Variants in KATNIP observed in about 807,000 individuals in gnomAD.
The protein encoded by KATNIP is katanin interacting protein.
A neutral mutation model predicts 174.0 loss-of-function variants in KATNIP; 126 were observed. The observed-to-expected ratio is 0.72, with a 90% CI of 0.63 to 0.84. The LOEUF is 0.84. Among genes scored for constraint, KATNIP ranks in the 40% least tolerant of loss-of-function variants. The probability of loss-of-function intolerance (pLI) is 0.00; values close to 1 mark genes in which losing one functional copy is unlikely to be tolerated. For missense variants in KATNIP, 1,958 were observed against 2,109.7 expected, an observed-to-expected ratio of 0.93 and a Z score of 1.41; for synonymous variants, 810 against 835.7, an observed-to-expected ratio of 0.97 and a Z score of 0.53.
At chr16:27,613,823 T>G (rs542216876) in intron 2 of KATNIP, among the ~76,000 whole-genome samples, 1 of 152,294 alleles carries the variant, frequency 6.6e-6, no homozygotes, top group East Asian at 1.9e-4. Flanking sequence ...TTTCTTGCAC[T>G]CAGGATGAGG....
Position 27,600,117 on chromosome 16 carries a change from AC to A in KATNIP, c.64-18306del, listed in dbSNP as rs553252786. 1.8e-3 allele frequency among the ~76,000 whole-genome samples: 270 copies of A among 152,274 alleles called. 2 individuals carry two copies. Among genetic ancestry groups the A allele is most frequent in the African/African-American group, 6.3e-3 (260 of 41,552 alleles). On this transcript the variant is annotated intron_variant, in intron 2 of 27. Coordinates refer to ENST00000261588, the MANE Select transcript of KATNIP (RefSeq NM_015202.5). ...TAAAATCTGTCTTCCTCACTAGACC[AC>A]CAGCTCCATGAGGCTGGGGACATGC... is the stretch of plus-strand genomic sequence containing the variant.
chr16:27,591,824 C>T (rs542249320), intron 2 of KATNIP, among the ~76,000 whole-genome samples: 9 of 152,282 alleles, frequency 5.9e-5, no homozygotes, highest in Non-Finnish European at 1.3e-4. Flanking sequence ...CAGCTAAAAG[C>T]CCTGTCTTTT....
chr16:27,676,439 C>T (rs577634356), intron 6 of KATNIP, among the ~76,000 whole-genome samples: 1 of 152,212 alleles, frequency 6.6e-6, no homozygotes, highest in African/African-American at 2.4e-5. Context: ...TCAAGGTGTT[C>T]CTCACTTCCT....
intron 2 of KATNIP, among the ~76,000 whole-genome samples, chr16:27,604,210 C>T (rs747593447): frequency 1.0e-4 from 15 of 150,498 alleles, no homozygotes; most frequent in Non-Finnish European, 1.6e-4. Context: ...GCGATCCTCT[C>T]GCCTCAGCCT....
intron 8 of KATNIP, among the ~76,000 whole-genome samples, chr16:27,697,717 G>T (rs2078964024): frequency 6.6e-6 from 1 of 152,090 alleles, no homozygotes; most frequent in Non-Finnish European, 1.5e-5. Context: ...TTGATCGATA[G>T]AGGGTGTGTG....
intron 6 of KATNIP, 115 bp downstream of exon 6, chr16:27,648,850 C>T (rs2077040421): frequency 8.3e-7 from 1 of 1,203,970 alleles, no homozygotes; most frequent in African/African-American, 1.5e-5. Flanking sequence ...TCACTCGCCG[C>T]TGTGTTCCTT....
rs747864643 is a variant in KATNIP at position 27,777,730 on chromosome 16, G to A, written c.4672G>A (p.Asp1558Asn). ...CTACCACACCATCCTCTTCACCGAG[G>A]ACAGGGACATCCGCCACCAGGAGAA... ...VPYHTILFTE[D>N]RDIRHQEKHT... Residue 1558 changes from aspartate (D) to asparagine (N), a missense_variant, in exon 26 of 28, where the codon GAC becomes AAC. Physicochemically the swap from Asp to Asn is conservative, Grantham distance 23. This residue lies in a region of KATNIP where 383 missense variants were observed against 456.0 expected (regional missense o/e 0.84). Transcript: ENST00000261588. The surrounding 1 kb of genome is among the most constrained non-coding windows in gnomAD (Gnocchi z 4.4). 5.6e-6 allele frequency: 9 copies of A among 1,613,968 alleles called. No individual in the cohort carries two copies. Among genetic ancestry groups the A allele is most frequent in the Non-Finnish European group, 6.8e-6 (8 of 1,179,990 alleles).
chr16:27,726,582 C>G (rs536411711), intron 14 of KATNIP, among the ~76,000 whole-genome samples: 4 of 152,288 alleles, frequency 2.6e-5, no homozygotes, highest in South Asian at 4.2e-4. Flanking sequence ...AGGCCCTGTC[C>G]CCTCTGTTGG....
At chr16:27,594,985 A>G (rs1335125189) in intron 2 of KATNIP, among the ~76,000 whole-genome samples, 3 of 152,224 alleles carry the variant, frequency 2.0e-5, no homozygotes, top group African/African-American at 7.2e-5. Flanking sequence ...GTCTTTACTC[A>G]GCTAACAGGA....
intron 2 of KATNIP, among the ~76,000 whole-genome samples, chr16:27,600,634 G>A (rs553566738): frequency 2.6e-5 from 4 of 151,586 alleles, no homozygotes; most frequent in South Asian, 2.1e-4. Context: ...TTTACAATTC[G>A]GTGTCTTGTT....
chr16:27,555,751 G>T (rs1164587528), intron 1 of KATNIP, among the ~76,000 whole-genome samples: 2 of 151,868 alleles, frequency 1.3e-5, no homozygotes, highest in Non-Finnish European at 2.9e-5. Flanking sequence ...CAGGAGAATC[G>T]CTTGAATCTG....
rs141537383 is a variant in KATNIP at position 27,778,990 on chromosome 16, C to A, written c.*361C>A. 5.9e-5 allele frequency: 13 copies of A among 219,826 alleles called. No individual in the cohort carries two copies. Among genetic ancestry groups the A allele is most frequent in the Non-Finnish European group, 9.8e-5 (11 of 112,682 alleles). 13.6% of individuals were successfully genotyped at this position (219,826 alleles called of 1,614,324 possible). The stretch of plus-strand genomic sequence containing the variant: ...GGGGTGGGGAGGCATCCCATCCAGC[C>A]TCAGAGGGCCCAGAGAATGGCTGAG... On this transcript the variant is annotated 3_prime_UTR_variant, in exon 28 of 28. Coordinates refer to ENST00000261588, the MANE Select transcript of KATNIP (RefSeq NM_015202.5).
At chr16:27,660,048 G>A in intron 6 of KATNIP, 1 of 971,248 alleles carries the variant, frequency 1.0e-6, no homozygotes, top group Non-Finnish European at 1.2e-6. Flanking sequence ...TTAGGGAGGA[G>A]AAATACCAAG....
intron 2 of KATNIP, among the ~76,000 whole-genome samples, chr16:27,588,544 C>G (rs2090989502): frequency 6.6e-6 from 1 of 151,718 alleles, no homozygotes; most frequent in East Asian, 2.0e-4. Flanking sequence ...GGTACAGTCA[C>G]AGCTCACTGT....
chr16:27,550,419 G>A (rs1226271269), intron 1 of KATNIP, among the ~76,000 whole-genome samples: 2 of 152,168 alleles, frequency 1.3e-5, no homozygotes, highest in African/African-American at 4.8e-5. Context: ...TACTGGCCGG[G>A]AGCTCAGTGA....
chr16:27,764,951 C>T (rs914136813), intron 19 of KATNIP, among the ~76,000 whole-genome samples: 1 of 152,186 alleles, frequency 6.6e-6, no homozygotes, highest in Non-Finnish European at 1.5e-5. Context: ...GAAACATTGC[C>T]TCCTTGGGTA....
At chr16:27,685,734 A>T (rs921025319) in intron 8 of KATNIP, among the ~76,000 whole-genome samples, 1 of 152,230 alleles carries the variant, frequency 6.6e-6, no homozygotes, top group Admixed American at 6.5e-5. Flanking sequence ...TGGCTCTAAC[A>T]TAAGTCAAAT....
chr16:27,633,593 G>A (rs987321831), intron 5 of KATNIP, among the ~76,000 whole-genome samples: 2 of 151,948 alleles, frequency 1.3e-5, no homozygotes, highest in Non-Finnish European at 2.9e-5. Context: ...CGTCAGGCCT[G>A]TTGTTATTTT....
intron 2 of KATNIP, among the ~76,000 whole-genome samples, chr16:27,588,458 A>G (rs2090986196): frequency 6.6e-6 from 1 of 151,988 alleles, no homozygotes; most frequent in Non-Finnish European, 1.5e-5. Context: ...GATAACCACT[A>G]TTTTGACTGT....
Sources: gnomAD v4.1 joint callset for allele counts (sites outside exome capture counted in the v4.1 genomes callset) on GRCh38, gnomAD v4.1.1 for gene constraint, gnomAD v4.1.1 regional missense constraint, Gnocchi (gnomAD v3.1) non-coding constraint, MANE v1.5 for transcripts, NCBI Gene and HGNC (gene_info 2026-07-23, HGNC 2026-07-21) for gene names.